The following LTF variants were observed in gnomAD, a reference collection of about 807,000 sequenced individuals.
The protein encoded by LTF is lactotransferrin.
LTF carries 91 observed loss-of-function variants against 87.2 expected under a neutral mutation model. The ratio of observed to expected loss-of-function variants is 1.04; its 90% CI spans 0.88 to 1.24. The LOEUF (loss-of-function observed/expected upper bound fraction) is 1.24, where lower values mean the gene tolerates loss of function less well. Ranked by LOEUF, LTF falls within the 50% of genes most tolerant of loss-of-function variation. The pLI is 0.00. For synonymous variants in LTF, 378 were observed against 356.1 expected, an observed-to-expected ratio of 1.06 and a Z score of -0.69; for missense variants, 901 against 904.3, an observed-to-expected ratio of 1.00 and a Z score of 0.05.
At position 46,448,932 on chromosome 3, in the gene LTF, A is replaced by T; in HGVS notation, c.1143T>A (p.Ser381Arg). Reference sequence around the variant, plus strand: ...AGGTCACGCTGCCTTCGCTCAAGCCACTCCACTGGTTACACTTGCGCAGCT... The same window carrying T: ...AGGTCACGCTGCCTTCGCTCAAGCCTCTCCACTGGTTACACTTGCGCAGCT... ...EQELRKCNQW[S>R]GLSEGSVTCS... Residue 381 changes from serine to arginine, a missense_variant, in exon 9 of 17, where the codon AGT becomes AGA. Ser to Arg is a moderately radical substitution (Grantham distance 110). Transcript: ENST00000231751. The T allele has an allele frequency of 6.2e-7, 1 of 1,613,378 alleles. No individual in the cohort carries two copies. The highest frequency in any genetic ancestry group is 1.3e-5 in the African/African-American group (1 of 74,854).
intron 13 of LTF, chr3:46,441,969 G>GA: frequency 1.7e-5 from 2 of 120,240 alleles, no homozygotes; most frequent in South Asian, 3.2e-4. Context: ...GTGTGTGTGT[G>GA]TGTGTGTGTG....
chr3:46,472,175 G>T (rs984047661), intron 1 of LTF, among the ~76,000 whole-genome samples: 1 of 152,030 alleles, frequency 6.6e-6, no homozygotes, highest in African/African-American at 2.4e-5. Flanking sequence ...AGTAAAGCTA[G>T]CACAAACTCA....
At position 46,447,879 on chromosome 3, in the gene LTF, A is replaced by C. The variant is rs138252306; in HGVS notation, c.1213-481T>G. 5.9e-3 allele frequency among the ~76,000 whole-genome samples: 898 copies of C among 152,318 alleles called. 8 individuals are homozygous for C. Among genetic ancestry groups the C allele is most frequent in the African/African-American group, 0.02 (826 of 41,558 alleles). On this transcript the variant is annotated intron_variant, in intron 9 of 16. Transcript: ENST00000231751. The stretch of plus-strand genomic sequence containing the variant: ...AACACAGGATCATGGACTCATCAGT[A>C]GTATGAAACTTCCTCTTTGACCCAG...
At chr3:46,463,254 CCT>C (rs536185804) in intron 1 of LTF, among the ~76,000 whole-genome samples, 122 of 152,336 alleles carry the variant, frequency 8.0e-4, no homozygotes, top group African/African-American at 2.7e-3. Context: ...AGTGCGCTGG[CCT>C]CCAAGGCAGG....
At chr3:46,448,136 G>A (rs1030704741) in intron 9 of LTF, among the ~76,000 whole-genome samples, 2 of 152,140 alleles carry the variant, frequency 1.3e-5, no homozygotes, top group African/African-American at 4.8e-5. Flanking sequence ...GGCCGAAGCA[G>A]GAAGATTGCT....
At chr3:46,439,670 G>A (rs2298949) in intron 14 of LTF, among the ~76,000 whole-genome samples, 190 bp from the exon 15 acceptor site, 25,454 of 152,200 alleles carry the variant, frequency 0.17, 2,325 homozygotes, top group South Asian at 0.31. Flanking sequence ...TATTAGTGCT[G>A]TGTCCATGCA....
Position 46,448,863 on chromosome 3 carries a change from C to A in LTF, c.1212G>T (p.Leu404=), listed in dbSNP as rs544692884. The A allele has an allele frequency of 6.2e-7, 1 of 1,612,314 alleles. No individual in the cohort carries two copies. The highest frequency in any genetic ancestry group is 8.5e-7 in the Non-Finnish European group (1 of 1,179,506). Residue 404 remains leucine (L), a splice_region_variant and synonymous_variant, in exon 9 of 17, where the codon CTG becomes CTT. Transcript: ENST00000231751. The part of the protein sequence containing the change: ...STTEDCIALV[L]KGEADAMSLD... ...CCGCCCCTGTGATGGAGCTCCCTAC[C>A]AGCACCAGGGCGATGCAGTCCTCTG...
At chr3:46,466,878 G>A (rs868459677), upstream of LTF, among the ~76,000 whole-genome samples, 7 of 152,282 alleles carry the variant, frequency 4.6e-5, no homozygotes, top group Middle Eastern at 0.014. Flanking sequence ...ATCATAACCC[G>A]TGTCTCTTTT....
rs1403022498 is a variant in LTF at position 46,464,825 on chromosome 3, C to G, written c.43G>C (p.Gly15Arg). 6.2e-7 allele frequency: 1 copy of G among 1,613,934 alleles called. No homozygotes were observed. Among genetic ancestry groups the G allele is most frequent in the Non-Finnish European group, 8.5e-7 (1 of 1,180,004 alleles). Residue 15 changes from glycine (G) to arginine (R), a missense_variant and splice_region_variant, in exon 1 of 17, where the codon GGA becomes CGA. Coordinates refer to ENST00000231751, the MANE Select transcript of LTF (RefSeq NM_002343.6). ...FLVLLFLGAL[G>R]LCLAGRRRSV... ...CGCGCCCCCAGGCACCTGCACTCACCGAGGGCCCCGAGGAACAGCAGGACG... is the reference window on the plus strand; with the variant it reads ...CGCGCCCCCAGGCACCTGCACTCACGGAGGGCCCCGAGGAACAGCAGGACG...
Position 46,455,938 on chromosome 3 carries a change from C to T in LTF, c.357G>A (p.Lys119=), listed in dbSNP as rs749028337. 5 of 1,609,842 alleles carry T rather than the reference C, an allele frequency of 3.1e-6. No individual in the cohort carries two copies. Among genetic ancestry groups the T allele is most frequent in the Non-Finnish European group, 3.4e-6 (4 of 1,178,228 alleles). ...GTTCGTTCAGCTGAAAGCTGCCGCC[C>T]TTCTTCACCACAGCCACGGCATAAT... is the stretch of plus-strand genomic sequence containing the variant. The part of the protein sequence containing the change: ...THYYAVAVVK[K]GGSFQLNELQ... Residue 119 remains lysine (K), a synonymous_variant, in exon 4 of 17, where the codon AAG becomes AAA. Transcript: ENST00000231751.
intron 1 of LTF, among the ~76,000 whole-genome samples, chr3:46,482,644 GAAAGAAAGAAA>G (rs1559614772): frequency 6.2e-5 from 6 of 96,516 alleles, no homozygotes; most frequent in South Asian, 4.1e-4. Context: ...AAGAAAGAAA[GAAAGAAAGAAA>G]GAAAGAAGGA....
chr3:46,461,612 G>T (rs1031791353), intron 1 of LTF, among the ~76,000 whole-genome samples: 4 of 152,182 alleles, frequency 2.6e-5, no homozygotes, highest in Admixed American at 1.3e-4. Context: ...TAGATTAGTG[G>T]TTGTCTGATG....
chr3:46,454,387 A>G, intron 5 of LTF, 27 bp from the exon 6 acceptor site: 3 of 1,604,560 alleles, frequency 1.9e-6, no homozygotes, highest in Non-Finnish European at 2.6e-6. Flanking sequence ...CATCAGGGGT[A>G]AGCACAGGCA....
intron 9 of LTF, 125 bp from the exon 10 acceptor site, chr3:46,447,523 T>A (rs1702685958): frequency 5.5e-6 from 4 of 725,628 alleles, no homozygotes; most frequent in Non-Finnish European, 9.9e-6. Context: ...AGAGATGGAC[T>A]ATTCAAACTG....
At chr3:46,437,659 C>T (rs1702416349) in intron 16 of LTF, among the ~76,000 whole-genome samples, 1 of 152,074 alleles carries the variant, frequency 6.6e-6, no homozygotes, top group African/African-American at 2.4e-5. Context: ...TATATATGCA[C>T]CTTTCATTTT....
intron 1 of LTF, among the ~76,000 whole-genome samples, chr3:46,472,436 G>A (rs990986786): frequency 2.7e-5 from 4 of 149,600 alleles, no homozygotes; most frequent in African/African-American, 5.0e-5. Context: ...CCTAAGCAAA[G>A]TCTTCCTCCA....
chr3:46,454,394 G>A (rs1270912093), intron 5 of LTF, 34 bp from the exon 6 acceptor site: 1 of 1,585,918 alleles, frequency 6.3e-7, no homozygotes, highest in East Asian at 2.2e-5. Flanking sequence ...GGTAAGCACA[G>A]GCAGCCCTCC....
intron 5 of LTF, among the ~76,000 whole-genome samples, chr3:46,454,562 C>A (rs1209622120): frequency 2.0e-5 from 3 of 152,208 alleles, no homozygotes; most frequent in African/African-American, 7.2e-5. Flanking sequence ...TAGCCAGAGG[C>A]CCCCATCTTC....
At chr3:46,454,678 T>C (rs1302745313) in intron 5 of LTF, among the ~76,000 whole-genome samples, 1 of 152,236 alleles carries the variant, frequency 6.6e-6, no homozygotes, top group Non-Finnish European at 1.5e-5. Flanking sequence ...GTGGCTGTTT[T>C]CCTCAGGACT....
Sources: gnomAD v4.1 joint callset for allele counts (sites outside exome capture counted in the v4.1 genomes callset) on GRCh38, gnomAD v4.1.1 for gene constraint, MANE v1.5 for transcripts, NCBI Gene and HGNC (gene_info 2026-07-23, HGNC 2026-07-21) for gene names.